The following USP47 variants were observed in gnomAD, a reference collection of about 807,000 sequenced individuals.
The protein encoded by USP47 is ubiquitin specific peptidase 47.
A neutral mutation model predicts 165.1 loss-of-function variants in USP47; 35 were observed. That is an observed-to-expected ratio of 0.21 (90% CI 0.16 to 0.28). The LOEUF (loss-of-function observed/expected upper bound fraction) is 0.28. Among genes scored for constraint, USP47 ranks in the 10% least tolerant of loss-of-function variants. USP47 has a pLI of 1.00. For synonymous variants in USP47, 531 were observed against 544.5 expected, an observed-to-expected ratio of 0.98 and a Z score of 0.35; for missense variants, 1,277 against 1,607.4, an observed-to-expected ratio of 0.79 and a Z score of 3.52.
chr11:11,873,528 C>T (rs1850205749), intron 1 of USP47, among the ~76,000 whole-genome samples: 1 of 151,992 alleles, frequency 6.6e-6, no homozygotes, highest in South Asian at 2.1e-4. Context: ...TATTATGTGA[C>T]TTACAACATT....
chr11:11,927,732 T>C (rs1284324140), intron 11 of USP47, among the ~76,000 whole-genome samples: 2 of 152,112 alleles, frequency 1.3e-5, no homozygotes, highest in Non-Finnish European at 2.9e-5. Context: ...GTATCCCCTT[T>C]TAATTAGGAG....
chr11:11,877,156 A>G (rs1199416341), intron 1 of USP47, among the ~76,000 whole-genome samples: 1 of 152,188 alleles, frequency 6.6e-6, no homozygotes. Flanking sequence ...TTAAGAAAAA[A>G]AAAAACTATT....
intron 5 of USP47, among the ~76,000 whole-genome samples, chr11:11,902,053 C>A (rs961627567): frequency 1.3e-5 from 2 of 151,600 alleles, no homozygotes. Context: ...CATAGTCAAT[C>A]TTTTTTGTCT....
chr11:11,919,995 A>G (rs754391031), intron 8 of USP47, among the ~76,000 whole-genome samples, 161 bp from the exon 9 acceptor site: 4 of 151,782 alleles, frequency 2.6e-5, no homozygotes, highest in Non-Finnish European at 5.9e-5. Context: ...TTATAGTGAT[A>G]ATATTATTTT....
rs1187877413 is a variant in USP47 at position 11,920,571 on chromosome 11, TAATAACA to T, written c.1218+78_1218+84del. 589 of 1,349,796 alleles carry T rather than the reference TAATAACA, an allele frequency of 4.4e-4. 1 individual carries two copies. The highest frequency in any genetic ancestry group is 5.7e-4 in the Non-Finnish European group (576 of 1,007,888). 83.6% of individuals were successfully genotyped at this position (1,349,796 alleles called of 1,614,324 possible). A position where few individuals can be genotyped will look rare whatever the true frequency, so the allele number is the denominator to read the frequency against. The stretch of plus-strand genomic sequence containing the variant: ...ATGGTTTTGAAAGAGCTGTTTGAGG[TAATAACA>T]CTGATGTCATTTGGACTGTCTTCTT... On this transcript the variant is annotated intron_variant, in intron 10 of 27. Transcript: ENST00000527733.
chr11:11,850,040 G>A (rs1388899282), intron 1 of USP47, among the ~76,000 whole-genome samples: 2 of 151,922 alleles, frequency 1.3e-5, no homozygotes, highest in Non-Finnish European at 2.9e-5. Flanking sequence ...CTCTTTGCGA[G>A]CTAGAGAGAG....
chr11:11,867,091 T>G (rs1849731168), intron 1 of USP47, among the ~76,000 whole-genome samples: 1 of 152,166 alleles, frequency 6.6e-6, no homozygotes. Context: ...GAGACAGGGT[T>G]TCACCATGTT....
intron 4 of USP47, among the ~76,000 whole-genome samples, chr11:11,895,068 T>C (rs528222452): frequency 2.0e-5 from 3 of 152,288 alleles, no homozygotes; most frequent in South Asian, 4.1e-4. Context: ...ATTTTATAGG[T>C]TCAGATATTT....
At chr11:11,934,540 A>G (rs1564886776) in intron 16 of USP47, among the ~76,000 whole-genome samples, 1 of 152,138 alleles carries the variant, frequency 6.6e-6, no homozygotes, top group Non-Finnish European at 1.5e-5. Flanking sequence ...GCCCATGCTC[A>G]AGGAAGAATA....
intron 17 of USP47, among the ~76,000 whole-genome samples, chr11:11,937,997 A>C (rs1855198870): frequency 1.3e-5 from 2 of 151,988 alleles, no homozygotes; most frequent in African/African-American, 4.8e-5. Flanking sequence ...GATATAGGAA[A>C]TATTATTTTG....
At position 11,956,667 on chromosome 11, in the gene USP47, CA is replaced by C. The variant is rs1315322020; in HGVS notation, c.*497del. On this transcript the variant is annotated 3_prime_UTR_variant, in exon 28 of 28. Coordinates refer to ENST00000527733, the MANE Select transcript of USP47 (RefSeq NM_001282659.2). The stretch of plus-strand genomic sequence containing the variant: ...ACGTGTGTTGACTCTTGGAAAGCAG[CA>C]AAAACAGGAGCTGAAGAAAAGAAAT... 1.5e-4 allele frequency: 23 copies of C among 152,710 alleles called. No homozygotes were observed. The highest frequency in any genetic ancestry group is 5.6e-4 in the African/African-American group (23 of 41,434). The allele number at this position is 152,710 out of a possible 1,614,324, so 9.5% of individuals were successfully genotyped here. A position where few individuals can be genotyped will look rare whatever the true frequency, so the allele number is the denominator to read the frequency against.
intron 27 of USP47, among the ~76,000 whole-genome samples, 177 bp from the exon 28 acceptor site, chr11:11,955,824 A>G (rs1856527158): frequency 6.6e-6 from 1 of 152,254 alleles, no homozygotes; most frequent in Non-Finnish European, 1.5e-5. Context: ...AGAAGTAAGC[A>G]ATATGTTCCT....
intron 8 of USP47, among the ~76,000 whole-genome samples, 194 bp from the exon 9 acceptor site, chr11:11,919,962 A>G (rs1469761554): frequency 6.6e-6 from 1 of 151,814 alleles, no homozygotes. Context: ...GTGTAGAATG[A>G]AATAATTTTT....
intron 1 of USP47, among the ~76,000 whole-genome samples, chr11:11,860,312 G>C (rs1849307707): frequency 6.6e-6 from 1 of 151,806 alleles, no homozygotes; most frequent in African/African-American, 2.4e-5. Flanking sequence ...GACCCTGAGA[G>C]TGAGAGATAA....
In USP47 at chr11:11,961,474, A is replaced by C. The variant is rs1289641851; in HGVS notation, c.*5299A>C. Among the ~76,000 whole-genome samples the C allele has an allele frequency of 1.3e-5, 2 of 152,212 alleles. No homozygotes were observed. The highest frequency in any genetic ancestry group is 2.9e-5 in the Non-Finnish European group (2 of 68,036). On this transcript the variant is annotated 3_prime_UTR_variant, in exon 28 of 28. Coordinates refer to ENST00000527733, the MANE Select transcript of USP47 (RefSeq NM_001282659.2). ...GCAGGATTTGAAGATGAAGGGGCCC[A>C]TGAGCCAAGGAATGCCAGTGACCTA...
chr11:11,930,158 A>C (rs368565048), intron 13 of USP47, 38 bp downstream of exon 13: 27 of 1,530,562 alleles, frequency 1.8e-5, no homozygotes, highest in Admixed American at 5.1e-5. Flanking sequence ...TAAAAGTTAG[A>C]ATTAATTATA....
At chr11:11,940,362 C>T in intron 18 of USP47, 67 bp from the exon 19 acceptor site, 1 of 1,494,526 alleles carries the variant, frequency 6.7e-7, no homozygotes. Flanking sequence ...TCTTGCTTTC[C>T]CATATTTTTA....
At chr11:11,916,995 A>T (rs936278740) in intron 8 of USP47, among the ~76,000 whole-genome samples, 11 of 145,398 alleles carry the variant, frequency 7.6e-5, no homozygotes, top group Non-Finnish European at 1.3e-4. Context: ...ACAAAAAAAT[A>T]AAAAATCAGT....
chr11:11,871,359 T>C (rs987284781), intron 1 of USP47, among the ~76,000 whole-genome samples: 1 of 151,430 alleles, frequency 6.6e-6, no homozygotes, highest in Non-Finnish European at 1.5e-5. Flanking sequence ...AAAAATTAGC[T>C]GGGCATGGTG....
Sources: allele counts gnomAD v4.1 joint callset (sites outside exome capture counted in the v4.1 genomes callset), GRCh38; gene constraint gnomAD v4.1.1; transcripts MANE v1.5; gene names NCBI Gene and HGNC (gene_info 2026-07-23, HGNC 2026-07-21).